Variants in ZNF385D observed in about 807,000 individuals in gnomAD.
ZNF385D encodes zinc finger protein 659.
A neutral mutation model predicts 35.8 loss-of-function variants in ZNF385D; 15 were observed. The ratio of observed to expected loss-of-function variants is 0.42; its 90% CI spans 0.28 to 0.64. The LOEUF (loss-of-function observed/expected upper bound fraction) is 0.64, where lower values mean the gene tolerates loss of function less well. Ranked by LOEUF, ZNF385D falls within the 30% of genes least tolerant of loss-of-function variation. The probability of loss-of-function intolerance (pLI) is 0.23; values close to 1 mark genes in which losing one functional copy is unlikely to be tolerated. For missense variants in ZNF385D, 474 were observed against 494.6 expected, an observed-to-expected ratio of 0.96 and a Z score of 0.39; for synonymous variants, 212 against 186.8, an observed-to-expected ratio of 1.13 and a Z score of -1.10.
chr3:21,976,554 G>C (rs1476087340), intron 3 of ZNF385D, among the ~76,000 whole-genome samples: 1 of 152,090 alleles, frequency 6.6e-6, no homozygotes, highest in Non-Finnish European at 1.5e-5. Context: ...GAGTACAGGA[G>C]ACATATGTAA....
At chr3:21,998,327 C>G (rs1695614027) in intron 3 of ZNF385D, among the ~76,000 whole-genome samples, 1 of 152,128 alleles carries the variant, frequency 6.6e-6, no homozygotes, top group Non-Finnish European at 1.5e-5. Context: ...CATTTGGTTT[C>G]TTTTACTGTT....
At chr3:21,762,663 T>C (rs574634128) in intron 3 of ZNF385D, among the ~76,000 whole-genome samples, 2 of 152,280 alleles carry the variant, frequency 1.3e-5, no homozygotes, top group East Asian at 3.9e-4. Flanking sequence ...CTCTCTAAAA[T>C]GACAGACATG....
At chr3:22,183,293 G>C (rs1193089707) in intron 2 of ZNF385D, among the ~76,000 whole-genome samples, 4 of 152,150 alleles carry the variant, frequency 2.6e-5, no homozygotes, top group Admixed American at 2.6e-4. Context: ...AAAGGTAACA[G>C]TATGCATTCT....
intron 3 of ZNF385D, among the ~76,000 whole-genome samples, chr3:21,860,861 C>T (rs376514637): frequency 6.6e-6 from 1 of 152,080 alleles, no homozygotes; most frequent in Non-Finnish European, 1.5e-5. Flanking sequence ...TCCTGTCAAA[C>T]CAAATGAAAA....
At chr3:22,030,459 G>C (rs1031871743) in intron 3 of ZNF385D, among the ~76,000 whole-genome samples, 8 of 150,680 alleles carry the variant, frequency 5.3e-5, no homozygotes, top group Non-Finnish European at 1.2e-4. Flanking sequence ...GGGAGAGAGA[G>C]AGGGAGGGAG....
chr3:21,971,307 T>A (rs1703241134), intron 3 of ZNF385D, among the ~76,000 whole-genome samples: 1 of 151,974 alleles, frequency 6.6e-6, no homozygotes, highest in Non-Finnish European at 1.5e-5. Context: ...AACAAAAAGT[T>A]AGAAAACAGG....
intron 3 of ZNF385D, among the ~76,000 whole-genome samples, chr3:22,007,329 C>G (rs1399946094): frequency 1.3e-5 from 2 of 152,156 alleles, no homozygotes; most frequent in Non-Finnish European, 1.5e-5. Flanking sequence ...CTCATACATT[C>G]TTTTTAACAT....
intron 3 of ZNF385D, among the ~76,000 whole-genome samples, chr3:22,075,426 G>T (rs1293012050): frequency 6.6e-6 from 1 of 151,798 alleles, no homozygotes; most frequent in Non-Finnish European, 1.5e-5. Context: ...TCCTGCAAAA[G>T]TTGTCAATGA....
At chr3:21,713,254 A>G (rs2068184278) in intron 1 of ZNF385D, among the ~76,000 whole-genome samples, 1 of 152,186 alleles carries the variant, frequency 6.6e-6, no homozygotes, top group African/African-American at 2.4e-5. Context: ...CAAACTATAA[A>G]AAGAAGACTG....
At chr3:21,715,729 G>T (rs1205419137) in intron 1 of ZNF385D, among the ~76,000 whole-genome samples, 1 of 151,912 alleles carries the variant, frequency 6.6e-6, no homozygotes, top group Non-Finnish European at 1.5e-5. Context: ...CTATCTATAT[G>T]TTATCTGTAC....
chr3:22,126,611 C>T (rs1346840057), intron 3 of ZNF385D, among the ~76,000 whole-genome samples: 1 of 149,500 alleles, frequency 6.7e-6, no homozygotes, highest in Non-Finnish European at 1.5e-5. Flanking sequence ...TATGCTCCAT[C>T]CTTGAGAATG....
chr3:21,723,111 G>A (rs1263001317), intron 1 of ZNF385D, among the ~76,000 whole-genome samples: 1 of 152,100 alleles, frequency 6.6e-6, no homozygotes, highest in Non-Finnish European at 1.5e-5. Flanking sequence ...CAAAGAGAAA[G>A]GAAGAGCATG....
At chr3:22,228,377 C>A (rs555352280) in intron 2 of ZNF385D, among the ~76,000 whole-genome samples, 1 of 152,110 alleles carries the variant, frequency 6.6e-6, no homozygotes, top group Non-Finnish European at 1.5e-5. Context: ...ACCAACCCCC[C>A]ATGCAGCAGC....
chr3:21,464,079 T>C (rs1703352721), intron 4 of ZNF385D, among the ~76,000 whole-genome samples: 1 of 152,190 alleles, frequency 6.6e-6, no homozygotes, highest in Non-Finnish European at 1.5e-5. Context: ...ACAATAAGCC[T>C]TAAACTCATT....
chr3:22,124,889 T>C (rs115926751), intron 3 of ZNF385D, among the ~76,000 whole-genome samples: 2,968 of 152,242 alleles, frequency 0.019, 83 homozygotes, highest in African/African-American at 0.068. Flanking sequence ...TTGTTGACTG[T>C]TTCCTTGGCT....
At chr3:21,799,661 C>T (rs976382401) in intron 3 of ZNF385D, among the ~76,000 whole-genome samples, 1 of 151,990 alleles carries the variant, frequency 6.6e-6, no homozygotes, top group African/African-American at 2.4e-5. Flanking sequence ...TTTTCATATT[C>T]TGAGTATTAG....
At chr3:21,828,700 G>A (rs1429474351) in intron 3 of ZNF385D, among the ~76,000 whole-genome samples, 5 of 152,150 alleles carry the variant, frequency 3.3e-5, no homozygotes, top group Non-Finnish European at 7.3e-5. Flanking sequence ...AACCTTAGTG[G>A]CTTAAAACAA....
chr3:22,196,706 G>A (rs367911824), intron 2 of ZNF385D, among the ~76,000 whole-genome samples: 30 of 151,952 alleles, frequency 2.0e-4, no homozygotes, highest in African/African-American at 5.3e-4. Flanking sequence ...CTTGTTTTAC[G>A]TCATTTATTA....
rs563018821 is a variant in ZNF385D, at chr3:22,014,072, G to C, written c.325+154745C>G. ...TCAGGAATGGGAAGAAATCTTTGAG[G>C]AAAATAAATGTATAATTTATATATT... On this transcript the variant is annotated intron_variant, in intron 3 of 5. Transcript: ENST00000494108. 5.3e-5 allele frequency among the ~76,000 whole-genome samples: 8 copies of C among 152,130 alleles called. No individual in the cohort carries two copies. The South Asian group carries it at 1.7e-3, about 32-fold the overall frequency.
Sources: gnomAD v4.1 joint callset for allele counts (sites outside exome capture counted in the v4.1 genomes callset) on GRCh38, gnomAD v4.1.1 for gene constraint, MANE v1.5 for transcripts, NCBI Gene and HGNC (gene_info 2026-07-23, HGNC 2026-07-21) for gene names.